The following THSD7A variants were observed in gnomAD, a reference collection of about 807,000 sequenced individuals.
THSD7A encodes the protein thrombospondin type-1 domain-containing protein 7A.
In THSD7A, 96 loss-of-function variants were observed where a neutral mutation model predicts 231.3. That is an observed-to-expected ratio of 0.41 (90% confidence interval 0.35 to 0.49). The LOEUF is 0.49. Among genes scored for constraint, THSD7A ranks in the 20% least tolerant of loss-of-function variants. The pLI, the probability that THSD7A is intolerant of heterozygous loss-of-function variation, is 0.05. For missense variants in THSD7A, 2,290 were observed against 2,070.2 expected (o/e 1.11, Z -2.06); for synonymous variants, 940 against 743.3 (o/e 1.26, Z -4.30).
intron 13 of THSD7A, among the ~76,000 whole-genome samples, chr7:11,429,396 C>T (rs1460292565): frequency 1.3e-5 from 2 of 152,142 alleles, no homozygotes; most frequent in East Asian, 1.9e-4. Context: ...ACTGACAGCT[C>T]GTGTTTAATT....
chr7:11,390,075 CTGA>C (rs538492330), intron 23 of THSD7A, among the ~76,000 whole-genome samples: 48 of 152,246 alleles, frequency 3.2e-4, no homozygotes, highest in Middle Eastern at 3.4e-3. Context: ...CTTTGTGAAT[CTGA>C]TGATTATGTG....
In THSD7A at chr7:11,553,844, T is replaced by C. The variant is rs547346625; in HGVS notation, c.1454-10727A>G. Among the ~76,000 whole-genome samples, 6 of 151,918 alleles carry C rather than the reference T, an allele frequency of 3.9e-5. No individual in the cohort carries two copies. The South Asian group carries it at 1.2e-3, about 32-fold the overall frequency. Reference sequence around the variant, plus strand: ...GTTTTGAATGTTTAAGCTCTACAAATGGAAAAAAATAAAAATAATCTCAAC... The same window carrying C: ...GTTTTGAATGTTTAAGCTCTACAAACGGAAAAAAATAAAAATAATCTCAAC... On this transcript the variant is annotated intron_variant, in intron 4 of 27. Coordinates refer to ENST00000423059, the MANE Select transcript of THSD7A (RefSeq NM_015204.3).
At chr7:11,784,227 T>C (rs1312724774) in intron 1 of THSD7A, among the ~76,000 whole-genome samples, 1 of 151,748 alleles carries the variant, frequency 6.6e-6, no homozygotes, top group Non-Finnish European at 1.5e-5. Flanking sequence ...TATATACACA[T>C]ATATATGTAT....
chr7:11,782,330 G>A (rs1052509752), intron 1 of THSD7A, among the ~76,000 whole-genome samples: 1 of 152,036 alleles, frequency 6.6e-6, no homozygotes, highest in Non-Finnish European at 1.5e-5. Flanking sequence ...AGGAATCAAT[G>A]GGAAATAATA....
At position 11,590,485 on chromosome 7, in the gene THSD7A, T is replaced by C. The variant is rs1348376076; in HGVS notation, c.1428A>G (p.Gln476=). The stretch of plus-strand genomic sequence containing the variant: ...CTTCTTTGTTCTTGTGGGTACTTAA[T>C]TGTGAGAGGAGGTTTTCGTTGGCCT... ...CVQANENLLS[Q]LSTHKNKEAS... is the part of the protein sequence containing the mutation. The change falls in exon 4 of 28, where the codon CAA becomes CAG. Residue 476 remains glutamine, a synonymous_variant. Coordinates refer to ENST00000423059, the MANE Select transcript of THSD7A (RefSeq NM_015204.3). This position sits in a 1 kb window ranked among gnomAD's most constrained non-coding sequence, Gnocchi z 4.4. 3 of 1,612,800 alleles carry C rather than the reference T, an allele frequency of 1.9e-6. No individual in the cohort carries two copies. Among genetic ancestry groups the C allele is most frequent in the African/African-American group, 1.3e-5 (1 of 74,974 alleles).
At chr7:11,509,883 T>G (rs1248305308) in intron 6 of THSD7A, among the ~76,000 whole-genome samples, 1 of 148,274 alleles carries the variant, frequency 6.7e-6, no homozygotes, top group Non-Finnish European at 1.5e-5. Flanking sequence ...ATTAAGAATC[T>G]GAACATTGGA....
intron 4 of THSD7A, among the ~76,000 whole-genome samples, chr7:11,562,910 T>C (rs926059794): frequency 1.3e-5 from 2 of 152,186 alleles, no homozygotes; most frequent in African/African-American, 4.8e-5. Flanking sequence ...GTGGTAGTAA[T>C]TTCAGGTATA....
At chr7:11,788,357 T>C (rs1023988307) in intron 1 of THSD7A, among the ~76,000 whole-genome samples, 1 of 152,102 alleles carries the variant, frequency 6.6e-6, no homozygotes, top group Non-Finnish European at 1.5e-5. Flanking sequence ...TCTTAGCTCG[T>C]ATATGTTCTT....
chr7:11,634,059 G>A lies in THSD7A; in HGVS notation c.1022+2071C>T, dbSNP rs17164945. ...TCATGGTATAATATCTGAGCAAAACGTAGGTCAAAATATCTGATTTTTATC... is the reference window on the plus strand; with the variant it reads ...TCATGGTATAATATCTGAGCAAAACATAGGTCAAAATATCTGATTTTTATC... On this transcript the variant is annotated intron_variant, in intron 2 of 27. Transcript: ENST00000423059. The surrounding 1 kb of genome is among the most constrained non-coding windows in gnomAD (Gnocchi z 4.1). Among the ~76,000 whole-genome samples, 12,604 of 151,996 alleles carry A rather than the reference G, an allele frequency of 0.083. 1,447 individuals carry two copies. Among genetic ancestry groups the A allele is most frequent in the East Asian group, 0.25 (1,280 of 5,154 alleles).
At chr7:11,564,663 T>A (rs1243204743) in intron 4 of THSD7A, among the ~76,000 whole-genome samples, 2 of 152,174 alleles carry the variant, frequency 1.3e-5, no homozygotes, top group African/African-American at 4.8e-5. Context: ...CAAGGACAGG[T>A]ATAGGGTTTT....
In THSD7A at chr7:11,755,075, C is replaced by A. The variant is rs535831404; in HGVS notation, c.190+76682G>T. Among the ~76,000 whole-genome samples, 72 of 152,134 alleles carry A rather than the reference C, an allele frequency of 4.7e-4. 1 individual carries two copies. The South Asian group carries it at 0.015, about 31-fold the overall frequency. On this transcript the variant is annotated intron_variant, in intron 1 of 27. Coordinates refer to ENST00000423059, the MANE Select transcript of THSD7A (RefSeq NM_015204.3). ...AGTTCTTAACCAGGGGTCACTTTGCCTCTGAGAAGCCACTTGGCAACTTCT... is the reference window on the plus strand; with the variant it reads ...AGTTCTTAACCAGGGGTCACTTTGCATCTGAGAAGCCACTTGGCAACTTCT...
chr7:11,800,154 T>A (rs748924217), intron 1 of THSD7A, among the ~76,000 whole-genome samples: 20 of 151,630 alleles, frequency 1.3e-4, no homozygotes, highest in Non-Finnish European at 2.2e-4. Flanking sequence ...ACTGCAGGAG[T>A]CTAGAGAAGC....
intron 6 of THSD7A, chr7:11,519,953 T>C (rs10277665): frequency 0.21 from 31,695 of 152,010 alleles, 3,504 homozygotes; most frequent in African/African-American, 0.28. Flanking sequence ...TATTCAATTT[T>C]TCAGAATGCA....
intron 2 of THSD7A, among the ~76,000 whole-genome samples, chr7:11,605,263 T>C (rs1780697015): frequency 1.3e-5 from 2 of 152,102 alleles, no homozygotes; most frequent in Admixed American, 1.3e-4. Flanking sequence ...TTCTTCCTAA[T>C]ATGGAAAAAA....
chr7:11,430,542 C>A (rs1009688714), intron 13 of THSD7A, among the ~76,000 whole-genome samples: 1 of 152,110 alleles, frequency 6.6e-6, no homozygotes, highest in East Asian at 1.9e-4. Context: ...CTCACTGCAG[C>A]CTTGACCTCC....
intron 7 of THSD7A, among the ~76,000 whole-genome samples, chr7:11,478,492 C>T (rs1338226424): frequency 6.6e-6 from 1 of 152,146 alleles, no homozygotes; most frequent in East Asian, 1.9e-4. Context: ...CTCCTATCTG[C>T]TGGCACAGAT....
intron 4 of THSD7A, among the ~76,000 whole-genome samples, chr7:11,558,074 T>G (rs756016217): frequency 2.6e-5 from 4 of 152,148 alleles, no homozygotes; most frequent in Non-Finnish European, 4.4e-5. Flanking sequence ...TTTTTACAAA[T>G]CTGTGTCCAC....
rs147266063 is a variant in THSD7A, at chr7:11,457,593, G to A, written c.2605+3069C>T. Among the ~76,000 whole-genome samples, 411 of 151,976 alleles carry A rather than the reference G, an allele frequency of 2.7e-3. 1 individual carries two copies. The highest frequency in any genetic ancestry group is 9.7e-3 in the African/African-American group (402 of 41,472). On this transcript the variant is annotated intron_variant, in intron 11 of 27. Transcript: ENST00000423059. ...TATCTTTCTAATTTATTCTGTACAC[G>A]CTGACAGATAAAACACTGCTTTCAT...
intron 6 of THSD7A, among the ~76,000 whole-genome samples, chr7:11,516,686 A>T (rs1334140067): frequency 6.6e-6 from 1 of 152,244 alleles, no homozygotes; most frequent in East Asian, 1.9e-4. Context: ...ATCTCCATAA[A>T]ACTATCCTTT....
Sources: allele counts gnomAD v4.1 joint callset (sites outside exome capture counted in the v4.1 genomes callset), GRCh38; gene constraint gnomAD v4.1.1; non-coding constraint Gnocchi (gnomAD v3.1); transcripts MANE v1.5; gene names NCBI Gene and HGNC (gene_info 2026-07-23, HGNC 2026-07-21).